The following RHPN2 variants were observed in gnomAD, a reference collection of about 807,000 sequenced individuals.
RHPN2 encodes the protein rhophilin Rho GTPase binding protein 2, also known as rhophilin-2.
RHPN2 carries 40 observed loss-of-function variants against 79.0 expected under a neutral mutation model. The observed-to-expected ratio is 0.51, with a 90% CI of 0.39 to 0.66. RHPN2 has a LOEUF of 0.66. Ranked by LOEUF, RHPN2 falls within the 30% of genes least tolerant of loss-of-function variation. RHPN2 has a pLI of 0.00. For missense variants in RHPN2, 686 were observed against 883.5 expected (o/e 0.78, Z 2.83); for synonymous variants, 285 against 363.5 (o/e 0.78, Z 2.46).
At chr19:32,990,855 C>A (rs1971653188) in intron 13 of RHPN2, 186 bp from the exon 14 acceptor site, 2 of 604,260 alleles carry the variant, frequency 3.3e-6, no homozygotes, top group Non-Finnish European at 6.0e-6. Flanking sequence ...CACGGTGAAA[C>A]CCATCTCTAC....
At position 32,993,996 on chromosome 19, in the gene RHPN2, G is replaced by A. The variant is rs547444410; in HGVS notation, c.1478C>T (p.Thr493Met). The A allele has an allele frequency of 2.2e-5, 36 of 1,612,848 alleles. No individual in the cohort carries two copies. The African/African-American group carries it at 2.4e-4, about 11-fold the overall frequency. ...ILPQFSKLTV[T>M]DFFQKLGPLS... ...ACATACCAGCTTCTGGAAGAAGTCCGTGACTGTCAGCTTGGAGAACTGGGG... is the reference window on the plus strand; with the variant it reads ...ACATACCAGCTTCTGGAAGAAGTCCATGACTGTCAGCTTGGAGAACTGGGG... Residue 493 changes from threonine (T) to methionine (M), a missense_variant, in exon 12 of 15, where the codon ACG becomes ATG. Physicochemically the swap from Thr to Met is moderately conservative, Grantham distance 81. Coordinates refer to ENST00000254260, the MANE Select transcript of RHPN2 (RefSeq NM_033103.5).
intron 1 of RHPN2, among the ~76,000 whole-genome samples, chr19:33,054,867 T>C (rs1972219147): frequency 6.6e-6 from 1 of 152,184 alleles, no homozygotes; most frequent in South Asian, 2.1e-4. Context: ...TTTACAGTGT[T>C]ATAGTTCATC....
At position 33,027,991 on chromosome 19, in the gene RHPN2, A is replaced by G. The variant is rs1971981670; in HGVS notation, c.186-1359T>C. ...GCTATTTCTAATCAATGAGGCAAAT[A>G]AAGAAATTAAAGGCATCCAGATTAG... is the stretch of plus-strand genomic sequence containing the variant. On this transcript the variant is annotated intron_variant, in intron 2 of 14. Transcript: ENST00000254260. 4.6e-5 allele frequency among the ~76,000 whole-genome samples: 7 copies of G among 152,288 alleles called. No individual in the cohort carries two copies. The South Asian group carries it at 1.2e-3, about 27-fold the overall frequency.
intron 7 of RHPN2, among the ~76,000 whole-genome samples, chr19:33,004,735 C>T (rs1284617954): frequency 6.6e-6 from 1 of 151,648 alleles, no homozygotes; most frequent in Admixed American, 6.6e-5. Flanking sequence ...TACAGGTGTC[C>T]ACCACCACAC....
chr19:33,054,504 T>A (rs1341021382), intron 1 of RHPN2, among the ~76,000 whole-genome samples: 2 of 152,228 alleles, frequency 1.3e-5, no homozygotes, highest in Middle Eastern at 3.4e-3. Flanking sequence ...TGGTCCCCTT[T>A]TCTCTTGTTA....
intron 2 of RHPN2, among the ~76,000 whole-genome samples, chr19:33,027,854 T>C (rs1263039595): frequency 6.6e-6 from 1 of 152,098 alleles, no homozygotes. Context: ...TAAAAGAGAA[T>C]TTATGAAATC....
intron 11 of RHPN2, among the ~76,000 whole-genome samples, chr19:32,995,198 G>A (rs1355762876): frequency 6.6e-6 from 1 of 151,820 alleles, no homozygotes. Flanking sequence ...TCAGCCTCCC[G>A]AGTAGCTGGA....
intron 2 of RHPN2, among the ~76,000 whole-genome samples, chr19:33,035,854 C>G (rs895826041): frequency 6.6e-6 from 1 of 152,150 alleles, no homozygotes; most frequent in Non-Finnish European, 1.5e-5. Flanking sequence ...CCATGGCTCA[C>G]GCCTATAATC....
At chr19:33,007,475 A>G (rs71351706) in intron 7 of RHPN2, among the ~76,000 whole-genome samples, 30,081 of 149,340 alleles carry the variant, frequency 0.2, 3,088 homozygotes, top group South Asian at 0.29. Flanking sequence ...CAACAAGAGC[A>G]AAACTCCATC....
intron 4 of RHPN2, among the ~76,000 whole-genome samples, chr19:33,016,680 CTAAA>C (rs1190532652): frequency 2.0e-5 from 3 of 152,066 alleles, no homozygotes; most frequent in Admixed American, 2.0e-4. Flanking sequence ...GACTCCCTCT[CTAAA>C]TAAATAGATA....
rs1599840464 is a variant in RHPN2, at chr19:33,064,642, C to G, written c.69+142G>C. On this transcript the variant is annotated intron_variant, in intron 1 of 14. Coordinates refer to ENST00000254260, the MANE Select transcript of RHPN2 (RefSeq NM_033103.5). ...CCCACTCCTCCCCGCCAGCCTCCGT[C>G]CGGCCAGCGCCGGCCCAGTGCGCCC... The G allele has an allele frequency of 4.9e-6, 4 of 815,428 alleles. No homozygotes were observed. The East Asian group carries it at 1.3e-4, about 27-fold the overall frequency. The allele number at this position is 815,428 out of a possible 1,614,324, so 50.5% of individuals were successfully genotyped here.
At chr19:32,993,801 C>T (rs1421243004) in intron 12 of RHPN2, among the ~76,000 whole-genome samples, 176 bp downstream of exon 12, 2 of 152,134 alleles carry the variant, frequency 1.3e-5, no homozygotes, top group Non-Finnish European at 2.9e-5. Flanking sequence ...CGAATCTGCC[C>T]ATACCTTGGT....
intron 7 of RHPN2, 79 bp from the exon 8 acceptor site, chr19:33,003,079 C>G: frequency 2.3e-6 from 3 of 1,330,066 alleles, no homozygotes; most frequent in Non-Finnish European, 3.2e-6. Flanking sequence ...AGATAGGAGG[C>G]CGAGTGCGGT....
intron 5 of RHPN2, 40 bp from the exon 6 acceptor site, chr19:33,011,843 G>A (rs778664908): frequency 6.2e-7 from 1 of 1,613,696 alleles, no homozygotes. Flanking sequence ...AGCAGAGGAG[G>A]ACACAGCTGA....
At chr19:33,035,890 G>A (rs969241523) in intron 2 of RHPN2, among the ~76,000 whole-genome samples, 10 of 152,118 alleles carry the variant, frequency 6.6e-5, no homozygotes, top group African/African-American at 1.9e-4. Flanking sequence ...GCCGAGGTGG[G>A]CAGACCACCA....
intron 5 of RHPN2, among the ~76,000 whole-genome samples, chr19:33,012,391 G>A (rs1971842444): frequency 6.6e-6 from 1 of 151,986 alleles, no homozygotes; most frequent in African/African-American, 2.4e-5. Flanking sequence ...TGGCCAGGAT[G>A]GTCTGGAACT....
chr19:33,036,289 A>C (rs1972055185), intron 2 of RHPN2, among the ~76,000 whole-genome samples: 2 of 151,454 alleles, frequency 1.3e-5, no homozygotes, highest in African/African-American at 4.9e-5. Context: ...ACTTGAGGCC[A>C]GGAGTTCAAC....
chr19:33,013,432 C>A (rs901160082), intron 4 of RHPN2, among the ~76,000 whole-genome samples: 1 of 151,396 alleles, frequency 6.6e-6, no homozygotes, highest in Non-Finnish European at 1.5e-5. Flanking sequence ...TGGGCTCAAG[C>A]AATCCATCTG....
intron 9 of RHPN2, among the ~76,000 whole-genome samples, chr19:33,000,025 C>A (rs190447710): frequency 2.6e-5 from 4 of 152,110 alleles, no homozygotes; most frequent in African/African-American, 4.8e-5. Context: ...TGCACCACCA[C>A]ATGCCAGGCT....
Sources: allele counts gnomAD v4.1 joint callset (sites outside exome capture counted in the v4.1 genomes callset), GRCh38; gene constraint gnomAD v4.1.1; transcripts MANE v1.5; gene names NCBI Gene and HGNC (gene_info 2026-07-23, HGNC 2026-07-21).